The following ALMS1 variants were observed in gnomAD, a reference collection of about 807,000 sequenced individuals.
The protein encoded by ALMS1 is ALMS1 centrosome and basal body associated protein, also known as centrosome-associated protein ALMS1.
ALMS1 carries 271 observed loss-of-function variants against 352.2 expected under a neutral mutation model. That is an observed-to-expected ratio of 0.77 (90% CI 0.70 to 0.85). The LOEUF (loss-of-function observed/expected upper bound fraction) is 0.85, where lower values mean the gene tolerates loss of function less well. ALMS1 is among the 40% of genes least tolerant of loss of function. The pLI is 0.00. For missense variants in ALMS1, 5,445 were observed against 4,870.7 expected (o/e 1.12, Z -3.51); for synonymous variants, 1,865 against 1,761.2 (o/e 1.06, Z -1.48).
intron 10 of ALMS1, among the ~76,000 whole-genome samples, chr2:73,497,067 A>G (rs950030677): frequency 1.3e-5 from 2 of 152,304 alleles, no homozygotes; most frequent in Admixed American, 1.3e-4. Flanking sequence ...ATCAAGTCCA[A>G]TTAATTGATT....
chr2:73,574,468 TATAA>T (rs1200802949), intron 16 of ALMS1, among the ~76,000 whole-genome samples: 4 of 152,200 alleles, frequency 2.6e-5, no homozygotes, highest in African/African-American at 7.2e-5. Context: ...TGACATAACA[TATAA>T]ATAAATATCT....
At chr2:73,407,218 G>C (rs1200842799) in intron 1 of ALMS1, among the ~76,000 whole-genome samples, 1 of 152,058 alleles carries the variant, frequency 6.6e-6, no homozygotes, top group Non-Finnish European at 1.5e-5. Flanking sequence ...TTCTTATAAA[G>C]CTACCAGTCC....
intron 16 of ALMS1, among the ~76,000 whole-genome samples, chr2:73,592,228 C>T (rs149898077): frequency 6.6e-6 from 1 of 152,198 alleles, no homozygotes; most frequent in African/African-American, 2.4e-5. Flanking sequence ...TTCTGATCAA[C>T]CACACTGGCA....
At chr2:73,391,325 G>T (rs1434338730) in intron 1 of ALMS1, among the ~76,000 whole-genome samples, 2 of 111,676 alleles carry the variant, frequency 1.8e-5, no homozygotes, top group African/African-American at 9.4e-5. Flanking sequence ...ACGGAGTCTC[G>T]CTCTGTCACC....
At chr2:73,553,339 G>A (rs1674476609) in intron 13 of ALMS1, among the ~76,000 whole-genome samples, 1 of 152,172 alleles carries the variant, frequency 6.6e-6, no homozygotes, top group African/African-American at 2.4e-5. Flanking sequence ...TTGAGGAAAT[G>A]GAGGGGGCCA....
chr2:73,459,583 G>A (rs533467922), intron 9 of ALMS1: 5 of 151,650 alleles, frequency 3.3e-5, no homozygotes, highest in South Asian at 4.2e-4. Flanking sequence ...TGGATTTTTC[G>A]TTTACTCAAA....
rs1394882288 is a variant in ALMS1 at position 73,385,979 on chromosome 2, G to A, written c.111G>A (p.Val37=). Residue 37 remains valine (V), a synonymous_variant, in exon 1 of 23, where the codon GTG becomes GTA. Coordinates refer to ENST00000613296, the MANE Select transcript of ALMS1 (RefSeq NM_001378454.1). The part of the protein sequence containing the change: ...EEAAAAAAAN[V]DDVVVVEEVE... ...CTGCAGCGGCGGCGGCGGCGAACGT[G>A]GACGACGTAGTGGTCGTGGAGGAGG... 6.5e-7 allele frequency: 1 copy of A among 1,542,560 alleles called. No individual in the cohort carries two copies. The highest frequency in any genetic ancestry group is 2.0e-5 in the Admixed American group (1 of 51,012).
rs72907402 is a variant in ALMS1 at position 73,400,482 on chromosome 2, G to C, written c.325-8140G>C. ...AGAATGATTAAGAAGTATTCTCTCT[G>C]ATTCTGTCTTCTGAGAGATTTTAGA... On this transcript the variant is annotated intron_variant, in intron 1 of 22. Transcript: ENST00000613296. Among the ~76,000 whole-genome samples, 532 of 152,252 alleles carry C rather than the reference G, an allele frequency of 3.5e-3. 3 individuals carry two copies. The highest frequency in any genetic ancestry group is 0.011 in the African/African-American group (441 of 41,550).
intron 11 of ALMS1, among the ~76,000 whole-genome samples, chr2:73,529,118 ACTGCAGCCTCTGCCGCCTG>A (rs1330891890): frequency 1.4e-5 from 2 of 138,864 alleles, no homozygotes; most frequent in East Asian, 4.1e-4. Context: ...GTCTCAGCTC[ACTGCAGCCTCTGCCGCCTG>A]GGTTCAAGCA....
chr2:73,434,582 A>G (rs1369704373), intron 7 of ALMS1, among the ~76,000 whole-genome samples: 1 of 152,204 alleles, frequency 6.6e-6, no homozygotes, highest in African/African-American at 2.4e-5. Context: ...TGTGTTCTAT[A>G]GATGTCTTTC....
At chr2:73,419,402 T>G (rs923917949) in intron 3 of ALMS1, 84 bp downstream of exon 3, 21 of 1,376,490 alleles carry the variant, frequency 1.5e-5, no homozygotes, top group Non-Finnish European at 2.2e-5. Flanking sequence ...CTTTCCCCTT[T>G]TTGAGTTAAG....
chr2:73,460,384 GT>G (rs1291634726), intron 9 of ALMS1, among the ~76,000 whole-genome samples: 51 of 152,276 alleles, frequency 3.3e-4, no homozygotes, highest in African/African-American at 1.2e-3. Flanking sequence ...GTGAAAATCT[GT>G]TTTAAGAATG....
intron 12 of ALMS1, among the ~76,000 whole-genome samples, chr2:73,540,891 A>G (rs1242454065): frequency 6.6e-6 from 1 of 152,238 alleles, no homozygotes; most frequent in African/African-American, 2.4e-5. Flanking sequence ...TTAGAGACCT[A>G]CAAAGAGACT....
At chr2:73,543,222 G>A (rs1263341947) in intron 12 of ALMS1, among the ~76,000 whole-genome samples, 7 of 152,174 alleles carry the variant, frequency 4.6e-5, no homozygotes, top group African/African-American at 9.6e-5. Context: ...CATATCTACA[G>A]CTATCTGATC....
intron 9 of ALMS1, among the ~76,000 whole-genome samples, chr2:73,479,004 G>A (rs925195889): frequency 9.2e-5 from 14 of 152,100 alleles, no homozygotes; most frequent in Admixed American, 9.2e-4. Flanking sequence ...CCATGTCCCA[G>A]CAAAGGACAT....
Position 73,452,369 on chromosome 2 carries a change from A to G in ALMS1, c.5842A>G (p.Ser1948Gly), listed in dbSNP as rs367728446. The stretch of plus-strand genomic sequence containing the variant: ...TTACTACTCACGTAGAGAGAAGCCC[A>G]GTGTTATCTCTCAACAGGAGTTGCC... ...LSYYSRREKP[S>G]VISQQELPDS... The change falls in exon 8 of 23, where the codon AGT (serine) becomes GGT (glycine). Residue 1948 changes from serine to glycine, a missense_variant. Physicochemically the swap from Ser to Gly is moderately conservative, Grantham distance 56 (BLOSUM62 0). Transcript: ENST00000613296. The G allele has an allele frequency of 4.6e-5, 74 of 1,613,918 alleles. No individual in the cohort carries two copies. The Middle Eastern group carries it at 4.9e-4, about 11-fold the overall frequency.
chr2:73,489,001 A>G (rs927542549), intron 9 of ALMS1, among the ~76,000 whole-genome samples: 1 of 152,112 alleles, frequency 6.6e-6, no homozygotes, highest in African/African-American at 2.4e-5. Flanking sequence ...GTCATTGTTC[A>G]TGTTAGGAAA....
At chr2:73,571,919 C>A (rs950407989) in intron 15 of ALMS1, among the ~76,000 whole-genome samples, 1 of 151,272 alleles carries the variant, frequency 6.6e-6, no homozygotes, top group Non-Finnish European at 1.5e-5. Flanking sequence ...AAAAAAAAAA[C>A]AGATGCAGAG....
At chr2:73,493,904 C>T (rs955259137) in intron 10 of ALMS1, among the ~76,000 whole-genome samples, 13 of 152,058 alleles carry the variant, frequency 8.5e-5, no homozygotes, top group Admixed American at 5.2e-4. Context: ...ACTTAATAAA[C>T]GTGAAAATTT....
Sources: gnomAD v4.1 joint callset for allele counts (sites outside exome capture counted in the v4.1 genomes callset) on GRCh38, gnomAD v4.1.1 for gene constraint, MANE v1.5 for transcripts, NCBI Gene and HGNC (gene_info 2026-07-23, HGNC 2026-07-21) for gene names.